Variants in CACNA2D3 observed in about 807,000 individuals in gnomAD.
The protein encoded by CACNA2D3 is calcium voltage-gated channel auxiliary subunit alpha2delta 3.
In CACNA2D3, 60 loss-of-function variants were observed where a neutral mutation model predicts 160.6. That is an observed-to-expected ratio of 0.37 (90% CI 0.30 to 0.46). The LOEUF is 0.46. CACNA2D3 is among the 20% of genes least tolerant of loss of function. The probability of loss-of-function intolerance (pLI) is 1.00; values close to 1 mark genes in which losing one functional copy is unlikely to be tolerated. For missense variants in CACNA2D3, 1,205 were observed against 1,365.0 expected (o/e 0.88, Z 1.85); for synonymous variants, 558 against 492.9 (o/e 1.13, Z -1.75).
At chr3:54,759,396 T>C (rs1334563245) in intron 12 of CACNA2D3, among the ~76,000 whole-genome samples, 2 of 151,850 alleles carry the variant, frequency 1.3e-5, no homozygotes, top group African/African-American at 4.8e-5. Context: ...GAAGTGTCTA[T>C]GGTTACAGCC....
In CACNA2D3 at chr3:54,338,415, C is replaced by T. The variant is rs187124073; in HGVS notation, c.321+17857C>T. ...GTGATAGATACACTTGACTTGAAAA[C>T]AGCTTTCAGCTGTGTTTTTCTTCTT... is the stretch of plus-strand genomic sequence containing the variant. On this transcript the variant is annotated intron_variant, in intron 3 of 37. Coordinates refer to ENST00000474759, the MANE Select transcript of CACNA2D3 (RefSeq NM_018398.3). 3.4e-4 allele frequency among the ~76,000 whole-genome samples: 52 copies of T among 151,564 alleles called. 1 individual carries two copies. Among genetic ancestry groups the T allele is most frequent in the Middle Eastern group, 3.4e-3 (1 of 292 alleles).
intron 13 of CACNA2D3, among the ~76,000 whole-genome samples, chr3:54,813,253 G>T (rs1410702183): frequency 6.6e-6 from 1 of 152,184 alleles, no homozygotes; most frequent in East Asian, 1.9e-4. Context: ...CCCTCATGGA[G>T]TAAATGAGGA....
At chr3:54,461,819 C>G (rs1247786724) in intron 4 of CACNA2D3, among the ~76,000 whole-genome samples, 1 of 152,064 alleles carries the variant, frequency 6.6e-6, no homozygotes, top group African/African-American at 2.4e-5. Context: ...CTTCTGCTAG[C>G]TTTTGAATGT....
intron 35 of CACNA2D3, among the ~76,000 whole-genome samples, chr3:55,043,130 G>A (rs1239595262): frequency 2.0e-5 from 3 of 152,108 alleles, no homozygotes; most frequent in Non-Finnish European, 1.5e-5. Flanking sequence ...CTGGGAGTGG[G>A]GTTGCTGGAT....
chr3:54,868,810 A>G (rs182252236), intron 17 of CACNA2D3, among the ~76,000 whole-genome samples: 163 of 152,346 alleles, frequency 1.1e-3, no homozygotes, highest in African/African-American at 3.7e-3. Context: ...AAAATGAGAT[A>G]TTAGCCAATT....
At chr3:54,273,144 G>C (rs1023027031) in intron 2 of CACNA2D3, 1 of 152,240 alleles carries the variant, frequency 6.6e-6, no homozygotes, top group Non-Finnish European at 1.5e-5. Flanking sequence ...GCAGTTCCAC[G>C]TGCCTGGCAC....
chr3:54,407,486 G>T (rs1034737442), intron 4 of CACNA2D3, among the ~76,000 whole-genome samples: 1 of 152,046 alleles, frequency 6.6e-6, no homozygotes, highest in Non-Finnish European at 1.5e-5. Context: ...TCTTAGTTAG[G>T]ACTTGCCACA....
chr3:54,897,036 GA>G, intron 26 of CACNA2D3, 166 bp downstream of exon 26: 1 of 692,370 alleles, frequency 1.4e-6, no homozygotes, highest in Non-Finnish European at 2.4e-6. Context: ...AGTTCCATAA[GA>G]GTAATAGCCT....
intron 13 of CACNA2D3, chr3:54,789,889 G>T (rs952971904): frequency 1.5e-5 from 8 of 516,784 alleles, no homozygotes; most frequent in African/African-American, 5.8e-5. Context: ...GGTGACACAG[G>T]CTGTTTCAGG....
intron 12 of CACNA2D3, among the ~76,000 whole-genome samples, chr3:54,762,334 C>T (rs1267291027): frequency 1.3e-5 from 2 of 152,198 alleles, no homozygotes; most frequent in African/African-American, 4.8e-5. Flanking sequence ...CCTTGTTTTG[C>T]TGGACACCAT....
intron 5 of CACNA2D3, among the ~76,000 whole-genome samples, chr3:54,511,031 C>T (rs1001271073): frequency 2.0e-5 from 3 of 152,178 alleles, no homozygotes; most frequent in Non-Finnish European, 2.9e-5. Flanking sequence ...CTGGCTACCC[C>T]ATTCCCCCTC....
chr3:54,880,388 T>A (rs560827816), intron 20 of CACNA2D3, among the ~76,000 whole-genome samples: 2 of 152,220 alleles, frequency 1.3e-5, no homozygotes, highest in African/African-American at 4.8e-5. Context: ...TTTTTGCCCT[T>A]GAGCAGGGGT....
At chr3:54,474,693 A>C (rs1038586415) in intron 4 of CACNA2D3, among the ~76,000 whole-genome samples, 1 of 152,044 alleles carries the variant, frequency 6.6e-6, no homozygotes, top group Non-Finnish European at 1.5e-5. Context: ...GAAGAGGGAA[A>C]ATGAGACCAT....
chr3:54,227,495 T>C (rs1045189559), intron 2 of CACNA2D3, among the ~76,000 whole-genome samples: 22 of 136,876 alleles, frequency 1.6e-4, no homozygotes, highest in Middle Eastern at 3.8e-3. Flanking sequence ...GAGTGAAGAG[T>C]GGAGAAATTT....
intron 11 of CACNA2D3, among the ~76,000 whole-genome samples, chr3:54,752,318 C>G (rs1472951021): frequency 2.0e-5 from 3 of 152,174 alleles, no homozygotes; most frequent in African/African-American, 7.2e-5. Context: ...CAAGCCCAGG[C>G]CTGTGAGGCT....
At chr3:54,242,116 ATAAC>A (rs773511586) in intron 2 of CACNA2D3, among the ~76,000 whole-genome samples, 2 of 152,168 alleles carry the variant, frequency 1.3e-5, no homozygotes, top group Non-Finnish European at 2.9e-5. Context: ...AAGATTAAAA[ATAAC>A]TAATAATAAA....
At chr3:54,839,997 C>G (rs1205707710) in intron 16 of CACNA2D3, among the ~76,000 whole-genome samples, 1 of 152,068 alleles carries the variant, frequency 6.6e-6, no homozygotes, top group African/African-American at 2.4e-5. Flanking sequence ...CTTTGAGGCC[C>G]CTAAAGATAG....
chr3:55,056,910 A>G (rs573924274), intron 35 of CACNA2D3, among the ~76,000 whole-genome samples: 2 of 152,228 alleles, frequency 1.3e-5, no homozygotes, highest in African/African-American at 2.4e-5. Context: ...AGTTAATAAT[A>G]GTGTATTGTA....
intron 11 of CACNA2D3, among the ~76,000 whole-genome samples, chr3:54,670,745 GT>G: frequency 6.6e-6 from 1 of 152,260 alleles, no homozygotes; most frequent in Non-Finnish European, 1.5e-5. Context: ...CCTGTTTGTT[GT>G]CTTGCAAATA....
Sources: allele counts gnomAD v4.1 joint callset (sites outside exome capture counted in the v4.1 genomes callset), GRCh38; gene constraint gnomAD v4.1.1; transcripts MANE v1.5; gene names NCBI Gene and HGNC (gene_info 2026-07-23, HGNC 2026-07-21).